The following EXPH5 variants were observed in gnomAD, a reference collection of about 807,000 sequenced individuals.
EXPH5 encodes the protein exophilin-5.
EXPH5 carries 42 observed loss-of-function variants against 41.1 expected under a neutral mutation model. The ratio of observed to expected loss-of-function variants is 1.02; its 90% CI spans 0.80 to 1.32. The LOEUF (loss-of-function observed/expected upper bound fraction) is 1.32. Among genes scored for constraint, EXPH5 ranks in the 40% most tolerant of loss-of-function variants. The pLI is 0.00. For synonymous variants in EXPH5, 798 were observed against 833.5 expected (o/e 0.96, Z 0.73); for missense variants, 2,298 against 2,314.5 (o/e 0.99, Z 0.15).
rs759118025 is a variant in EXPH5 at position 108,593,472 on chromosome 11, A to G, written c.65T>C (p.Leu22Pro). 3 of 1,614,164 alleles carry G rather than the reference A, an allele frequency of 1.9e-6. No individual in the cohort carries two copies. Among genetic ancestry groups the G allele is most frequent in the Non-Finnish European group, 2.5e-6 (3 of 1,180,026 alleles). ...FLNDEEARKI[L>P]QVLERNEELQ... ...CTCCTCATTCCTTTCCAGCACCTGA[A>G]GGATCTTCCTGGCCTCTTCGTCATT... Residue 22 changes from leucine to proline, a missense_variant, in exon 1 of 6, where the codon CTT (leucine) becomes CCT (proline). Leu to Pro is a moderately conservative substitution (Grantham distance 98). Transcript: ENST00000265843.
At chr11:108,558,775 C>T (rs1415162618) in intron 1 of EXPH5, among the ~76,000 whole-genome samples, 2 of 152,164 alleles carry the variant, frequency 1.3e-5, no homozygotes, top group Non-Finnish European at 2.9e-5. Context: ...ACACTGTAAA[C>T]ATATATTGTT....
intron 1 of EXPH5, among the ~76,000 whole-genome samples, chr11:108,583,815 T>C (rs189645565): frequency 1.3e-4 from 20 of 152,168 alleles, no homozygotes; most frequent in African/African-American, 4.8e-4. Flanking sequence ...TCCTAGTCAA[T>C]ATTAGGCAAG....
chr11:108,560,063 C>T (rs765314458), intron 1 of EXPH5, among the ~76,000 whole-genome samples: 3 of 152,156 alleles, frequency 2.0e-5, no homozygotes, highest in East Asian at 1.9e-4. Flanking sequence ...GCAAGCCAGA[C>T]GAAAGAACGA....
chr11:108,511,044 A>G lies in EXPH5; in HGVS notation c.4463T>C (p.Ile1488Thr), dbSNP rs1299337999. The G allele has an allele frequency of 1.2e-6, 2 of 1,614,112 alleles. No homozygotes were observed. The highest frequency in any genetic ancestry group is 1.3e-5 in the African/African-American group (1 of 75,010). The change falls in exon 6 of 6, where the codon ATT becomes ACT. Residue 1488 changes from isoleucine to threonine, a missense_variant. Coordinates refer to ENST00000265843, the MANE Select transcript of EXPH5 (RefSeq NM_015065.3). ...GSQPREGRGD[I>T]GTNCQKMTNK... is the part of the protein sequence containing the mutation. ...AGTCATTTTTTGGCAGTTGGTTCCA[A>G]TGTCCCCTCTGCCTTCCCTAGGCTG...
At chr11:108,550,368 A>G (rs531393720) in intron 1 of EXPH5, among the ~76,000 whole-genome samples, 56 of 152,320 alleles carry the variant, frequency 3.7e-4, no homozygotes, top group African/African-American at 1.3e-3. Flanking sequence ...GACCCAGCCA[A>G]GCTGTCATAG....
chr11:108,518,913 A>G (rs1026205678), intron 4 of EXPH5, among the ~76,000 whole-genome samples: 3 of 152,300 alleles, frequency 2.0e-5, no homozygotes, highest in African/African-American at 4.8e-5. Flanking sequence ...TGCCAGCACC[A>G]TGACAGTTTC....
chr11:108,511,296 T>G lies in EXPH5; in HGVS notation c.4211A>C (p.Asn1404Thr). Reference sequence around the variant, plus strand: ...ATTTTCAGATTTTTCTTCGGATACATTTTTTCTCTGAAGCATCAATGAAGT... The same window carrying G: ...ATTTTCAGATTTTTCTTCGGATACAGTTTTTCTCTGAAGCATCAATGAAGT... ...LHTSLMLQRK[N>T]VSEEKSENCQ... The change falls in exon 6 of 6, where the codon AAT (asparagine) becomes ACT (threonine). Residue 1404 changes from asparagine to threonine, a missense_variant. Asn to Thr is a moderately conservative substitution (Grantham distance 65, BLOSUM62 0). Transcript: ENST00000265843. 6.2e-7 allele frequency: 1 copy of G among 1,601,450 alleles called. No individual in the cohort carries two copies. Among genetic ancestry groups the G allele is most frequent in the Non-Finnish European group, 8.5e-7 (1 of 1,176,140 alleles).
intron 3 of EXPH5, among the ~76,000 whole-genome samples, chr11:108,533,121 C>T (rs750662859): frequency 3.3e-5 from 5 of 152,214 alleles, no homozygotes; most frequent in Admixed American, 6.5e-5. Context: ...TACCTAGTTT[C>T]CCCAGTCAGA....
intron 3 of EXPH5, among the ~76,000 whole-genome samples, chr11:108,533,777 C>T (rs966682709): frequency 6.6e-6 from 1 of 152,128 alleles, no homozygotes; most frequent in Non-Finnish European, 1.5e-5. Context: ...ACCCTCCCCT[C>T]TTCAGTTGTG....
chr11:108,596,204 T>C (rs991891084), upstream of EXPH5, among the ~76,000 whole-genome samples: 3 of 151,158 alleles, frequency 2.0e-5, no homozygotes, highest in East Asian at 1.9e-4. Context: ...AAAAAAAAAA[T>C]TGAACTTTGG....
chr11:108,565,291 CAA>C (rs950083987), intron 1 of EXPH5, among the ~76,000 whole-genome samples: 1 of 152,020 alleles, frequency 6.6e-6, no homozygotes, highest in African/African-American at 2.4e-5. Context: ...CTATGAAATC[CAA>C]GGTAAAGAGC....
chr11:108,516,981 C>T (rs1038230774), intron 5 of EXPH5, among the ~76,000 whole-genome samples: 4 of 152,166 alleles, frequency 2.6e-5, no homozygotes, highest in African/African-American at 9.7e-5. Context: ...GATACCCATT[C>T]TCCCTTTCAA....
intron 1 of EXPH5, among the ~76,000 whole-genome samples, chr11:108,580,421 G>A (rs2094094408): frequency 6.6e-6 from 1 of 152,190 alleles, no homozygotes; most frequent in South Asian, 2.1e-4. Flanking sequence ...TGCTGGTGAG[G>A]ATGTGGAGAA....
At chr11:108,557,692 C>T (rs764591652) in intron 1 of EXPH5, among the ~76,000 whole-genome samples, 1 of 152,084 alleles carries the variant, frequency 6.6e-6, no homozygotes, top group Non-Finnish European at 1.5e-5. Flanking sequence ...TTGAAATTAT[C>T]CTCTTCACTT....
At chr11:108,557,050 C>T (rs1388287579) in intron 1 of EXPH5, among the ~76,000 whole-genome samples, 6 of 152,234 alleles carry the variant, frequency 3.9e-5, no homozygotes, top group Non-Finnish European at 7.3e-5. Context: ...AAATGCTCTT[C>T]CCTATTTTGT....
At position 108,512,751 on chromosome 11, in the gene EXPH5, C is replaced by T; in HGVS notation, c.2756G>A (p.Gly919Glu). The change falls in exon 6 of 6, where the codon GGA becomes GAA. Residue 919 changes from glycine (G) to glutamate (E), a missense_variant. Gly to Glu is a moderately conservative substitution (Grantham distance 98, BLOSUM62 -2). Transcript: ENST00000265843. Reference protein sequence around the residue: ...RSPSDKDPSLGEREEKDNAGK... With the variant: ...RSPSDKDPSLEEREEKDNAGK... Reference sequence around the variant, plus strand: ...AGCATTGTCTTTTTCTTCTCTTTCTCCTAGCGATGGATCTTTGTCTGAAGG... The same window carrying T: ...AGCATTGTCTTTTTCTTCTCTTTCTTCTAGCGATGGATCTTTGTCTGAAGG... 1.2e-6 allele frequency: 2 copies of T among 1,613,696 alleles called. No individual in the cohort carries two copies. The highest frequency in any genetic ancestry group is 1.7e-6 in the Non-Finnish European group (2 of 1,179,904).
intron 3 of EXPH5, among the ~76,000 whole-genome samples, chr11:108,538,650 G>A (rs569779934): frequency 3.3e-5 from 5 of 152,216 alleles, no homozygotes; most frequent in South Asian, 4.1e-4. Flanking sequence ...TGACCAGGAC[G>A]TGACCAGGAC....
At chr11:108,524,999 C>T (rs756581568) in intron 4 of EXPH5, among the ~76,000 whole-genome samples, 2 of 152,142 alleles carry the variant, frequency 1.3e-5, no homozygotes, top group Admixed American at 6.5e-5. Context: ...GACTGAATCA[C>T]GGGGGCGGTT....
intron 1 of EXPH5, among the ~76,000 whole-genome samples, chr11:108,571,689 C>T (rs1246317043): frequency 6.6e-6 from 1 of 152,124 alleles, no homozygotes; most frequent in Non-Finnish European, 1.5e-5. Context: ...TGTACAATCC[C>T]AAAAGTCATT....
Sources: allele counts gnomAD v4.1 joint callset (sites outside exome capture counted in the v4.1 genomes callset), GRCh38; gene constraint gnomAD v4.1.1; transcripts MANE v1.5; gene names NCBI Gene and HGNC (gene_info 2026-07-23, HGNC 2026-07-21).